Variants in TRIM66 observed in about 807,000 individuals in gnomAD.
The protein encoded by TRIM66 is tripartite motif-containing protein 66.
A neutral mutation model predicts 148.2 loss-of-function variants in TRIM66; 99 were observed. That is an observed-to-expected ratio of 0.67 (90% CI 0.57 to 0.79). The LOEUF is 0.79. TRIM66 is among the 30% of genes least tolerant of loss of function. TRIM66 has a pLI of 0.00. For missense variants in TRIM66, 1,666 were observed against 1,697.9 expected (o/e 0.98, Z 0.33); for synonymous variants, 616 against 635.9 (o/e 0.97, Z 0.47).
intron 15 of TRIM66, among the ~76,000 whole-genome samples, chr11:8,630,326 C>G (rs1293593245): frequency 6.6e-6 from 1 of 152,132 alleles, no homozygotes; most frequent in East Asian, 1.9e-4. Context: ...CCTCTAGACC[C>G]CAGGATTGTT....
intron 7 of TRIM66, among the ~76,000 whole-genome samples, chr11:8,650,516 G>A (rs2037268203): frequency 6.6e-6 from 1 of 151,930 alleles, no homozygotes; most frequent in Non-Finnish European, 1.5e-5. Flanking sequence ...AGGAGGAGGA[G>A]GAGCAGCAGC....
intron 7 of TRIM66, among the ~76,000 whole-genome samples, chr11:8,651,204 C>T (rs914538988): frequency 6.6e-6 from 1 of 152,134 alleles, no homozygotes; most frequent in East Asian, 1.9e-4. Context: ...ATATCCAGCA[C>T]AGGGTCTGGC....
Position 8,618,975 on chromosome 11 carries a change from G to A in TRIM66, c.3901-7C>T, listed in dbSNP as rs755245183. 6.4e-7 allele frequency: 1 copy of A among 1,550,894 alleles called. No individual in the cohort carries two copies. The highest frequency in any genetic ancestry group is 8.7e-7 in the Non-Finnish European group (1 of 1,146,520). On this transcript the variant is annotated splice_polypyrimidine_tract_variant and splice_region_variant and intron_variant, in intron 23 of 24. Transcript: ENST00000646038. ...CTGCAACCTCGGAGTCAGGCTGATG[G>A]GGGAGGAGAGCAGTGATGGTCTAGC...
At chr11:8,632,456 T>G (rs1452742235) in intron 15 of TRIM66, among the ~76,000 whole-genome samples, 1 of 142,690 alleles carries the variant, frequency 7.0e-6, no homozygotes, top group Non-Finnish European at 1.5e-5. Context: ...TGTTGATTTT[T>G]TTTTTTTTTT....
chr11:8,649,606 T>C (rs1329549788), intron 8 of TRIM66, 134 bp downstream of exon 8: 1 of 1,240,200 alleles, frequency 8.1e-7, no homozygotes, highest in East Asian at 2.6e-5. Context: ...AGACTTCCTT[T>C]GGGAAAGGCT....
At chr11:8,657,470 G>C (rs571503672) in intron 6 of TRIM66, among the ~76,000 whole-genome samples, 1 of 152,190 alleles carries the variant, frequency 6.6e-6, no homozygotes, top group South Asian at 2.1e-4. Flanking sequence ...GAGGCCCTGG[G>C]ACAGGGAGGA....
chr11:8,671,019 C>T (rs79052020), intron 6 of TRIM66, among the ~76,000 whole-genome samples: 10,406 of 152,260 alleles, frequency 0.068, 389 homozygotes, highest in African/African-American at 0.073. Context: ...CCGGGTGCAA[C>T]GGCTCACGCC....
chr11:8,624,886 T>A lies in TRIM66; in HGVS notation c.2653A>T (p.Met885Leu). ...SDHPQAGPSL[M>L]SGHTQAVPSL... is the part of the protein sequence containing the mutation. ...GGCACAGCCTGGGTGTGACCAGACA[T>A]TAGGCTGGGCCCAGCCTGAGGGTGA... Residue 885 changes from methionine to leucine, a missense_variant, in exon 16 of 25, where the codon ATG becomes TTG. This residue lies in a region of TRIM66 where 1,431 missense variants were observed against 1,412.4 expected (regional missense o/e 1.01). Transcript: ENST00000646038. 1.9e-6 allele frequency: 3 copies of A among 1,551,558 alleles called. No individual in the cohort carries two copies. The highest frequency in any genetic ancestry group is 2.6e-6 in the Non-Finnish European group (3 of 1,146,888).
At chr11:8,625,890 T>C (rs898829493) in intron 15 of TRIM66, among the ~76,000 whole-genome samples, 4 of 152,356 alleles carry the variant, frequency 2.6e-5, no homozygotes, top group East Asian at 1.9e-4. Flanking sequence ...TAGCATTTGA[T>C]GTAGGCTTTA....
intron 15 of TRIM66, among the ~76,000 whole-genome samples, chr11:8,626,728 C>T (rs571079349): frequency 9.8e-5 from 15 of 152,322 alleles, no homozygotes; most frequent in South Asian, 2.1e-4. Context: ...CCCCGCAGTG[C>T]GCTACATTCT....
At position 8,615,234 on chromosome 11, in the gene TRIM66, A is replaced by C. The variant is rs765548168; in HGVS notation, c.*2710T>G. 6.6e-6 allele frequency: 1 copy of C among 152,212 alleles called. No individual in the cohort carries two copies. Among genetic ancestry groups the C allele is most frequent in the Admixed American group, 6.5e-5 (1 of 15,290 alleles). 9.4% of individuals were successfully genotyped at this position (152,212 alleles called of 1,614,324 possible). A position where few individuals can be genotyped will look rare whatever the true frequency, so the allele number is the denominator to read the frequency against. On this transcript the variant is annotated 3_prime_UTR_variant, in exon 25 of 25. Coordinates refer to ENST00000646038, the MANE Select transcript of TRIM66 (RefSeq NM_001388022.1). ...GTGAGCCACCGCGCCCAGCCAAAAA[A>C]TAAAATAAAATTTAAAAATCCTGAA...
chr11:8,672,619 CTTTTTT>C (rs11293374), intron 4 of TRIM66, among the ~76,000 whole-genome samples: 1 of 113,300 alleles, frequency 8.8e-6, no homozygotes, highest in Non-Finnish European at 1.8e-5. Context: ...ACTCCAGTCT[CTTTTTT>C]TTTTTTTTTT....
rs2033513755 is a variant in TRIM66 at position 8,613,312 on chromosome 11, T to C, written c.*4632A>G. ...GATTCTCTGAGAATCCAGAGACTTG[T>C]GGTGTCATAAAAGCTAAGGGAGGAG... On this transcript the variant is annotated 3_prime_UTR_variant, in exon 25 of 25. Transcript: ENST00000646038. 2 of 152,074 alleles carry C rather than the reference T, an allele frequency of 1.3e-5. No individual in the cohort carries two copies. Among genetic ancestry groups the C allele is most frequent in the African/African-American group, 4.8e-5 (2 of 41,380 alleles). 9.4% of individuals were successfully genotyped at this position (152,074 alleles called of 1,614,324 possible).
intron 6 of TRIM66, among the ~76,000 whole-genome samples, chr11:8,660,255 C>T (rs1346184345): frequency 6.6e-6 from 1 of 152,154 alleles, no homozygotes; most frequent in Admixed American, 6.5e-5. Context: ...TCAAGCATCC[C>T]ATACTCCAGC....
chr11:8,625,463 T>TTGTGTGTG (rs147088164), intron 15 of TRIM66, among the ~76,000 whole-genome samples: 69 of 148,248 alleles, frequency 4.7e-4, no homozygotes, highest in South Asian at 2.2e-3. Flanking sequence ...CGGAGAACTA[T>TTGTGTGTG]TGTGTGTGTG....
rs1460107609 is a variant in TRIM66 at position 8,618,014 on chromosome 11, A to AAT, written c.4120-13_4120-12dup. 2 of 1,551,316 alleles carry AAT rather than the reference A, an allele frequency of 1.3e-6. No homozygotes were observed. The highest frequency in any genetic ancestry group is 1.7e-6 in the Non-Finnish European group (2 of 1,146,666). ...TGCTCTTTCATTCTCCTGAAAGAAAAATATATATTTGGAATTAAAATAGCC... is the reference window on the plus strand; with the variant it reads ...TGCTCTTTCATTCTCCTGAAAGAAAAATATATATATTTGGAATTAAAATAGCC... On this transcript the variant is annotated splice_polypyrimidine_tract_variant and intron_variant, in intron 24 of 24. Transcript: ENST00000646038.
At chr11:8,680,875 G>A (rs750241695) in intron 1 of TRIM66, 8 of 152,250 alleles carry the variant, frequency 5.3e-5, no homozygotes, top group Non-Finnish European at 1.2e-4. Context: ...CAAAGAGTAG[G>A]AGGAAGGCAA....
chr11:8,640,289 T>C lies in TRIM66; in HGVS notation c.2086A>G (p.Ile696Val), dbSNP rs1367064015. 14 of 1,551,604 alleles carry C rather than the reference T, an allele frequency of 9.0e-6. No homozygotes were observed. Among genetic ancestry groups the C allele is most frequent in the South Asian group, 1.2e-5 (1 of 84,058 alleles). ...GCTGGCTGCCTCACGATGTAGTTGA[T>C]CTGCCCCACAATGGTTTGCTGAAGA... is the stretch of plus-strand genomic sequence containing the variant. Reference protein sequence around the residue: ...QHLQQTIVGQINYIVRQPAPV... With the variant: ...QHLQQTIVGQVNYIVRQPAPV... Residue 696 changes from isoleucine to valine, a missense_variant, in exon 14 of 25, where the codon ATC becomes GTC. Coordinates refer to ENST00000646038, the MANE Select transcript of TRIM66 (RefSeq NM_001388022.1).
At chr11:8,647,116 TATA>T (rs1179683603) in intron 10 of TRIM66, among the ~76,000 whole-genome samples, 1 of 150,356 alleles carries the variant, frequency 6.7e-6, no homozygotes, top group Non-Finnish European at 1.5e-5. Context: ...ATTATAAACA[TATA>T]ATAATGTTTA....
Sources: gnomAD v4.1 joint callset for allele counts (sites outside exome capture counted in the v4.1 genomes callset) on GRCh38, gnomAD v4.1.1 for gene constraint, gnomAD v4.1.1 regional missense constraint, MANE v1.5 for transcripts, NCBI Gene and HGNC (gene_info 2026-07-23, HGNC 2026-07-21) for gene names.